PEX5L: variants seen among roughly 807,000 people sequenced by gnomAD.
PEX5L encodes peroxisomal biogenesis factor 5 like.
Under a neutral mutation model 84.0 loss-of-function variants are expected in PEX5L, and 30 were observed. The ratio of observed to expected loss-of-function variants is 0.36; its 90% CI spans 0.27 to 0.48. PEX5L has a LOEUF of 0.48. Among genes scored for constraint, PEX5L ranks in the 20% least tolerant of loss-of-function variants. The pLI is 0.99. For missense variants in PEX5L, 533 were observed against 754.6 expected (o/e 0.71, Z 3.44); for synonymous variants, 270 against 283.1 (o/e 0.95, Z 0.46).
intron 8 of PEX5L, among the ~76,000 whole-genome samples, chr3:179,852,848 C>T (rs1247744990): frequency 6.6e-6 from 1 of 152,112 alleles, no homozygotes. Flanking sequence ...TAGAGTTAAG[C>T]AGAACGTGAT....
At chr3:179,958,149 T>C (rs1009944312) in intron 2 of PEX5L, among the ~76,000 whole-genome samples, 1 of 152,212 alleles carries the variant, frequency 6.6e-6, no homozygotes, top group Admixed American at 6.5e-5. Flanking sequence ...CTCTTCTTTA[T>C]CATATATGGC....
At chr3:180,023,582 G>C (rs1790614264) in intron 1 of PEX5L, among the ~76,000 whole-genome samples, 1 of 152,102 alleles carries the variant, frequency 6.6e-6, no homozygotes, top group African/African-American at 2.4e-5. Flanking sequence ...CAGATGTATT[G>C]TATCACTAAT....
At chr3:179,910,991 C>T (rs939634978) in intron 2 of PEX5L, among the ~76,000 whole-genome samples, 6 of 152,150 alleles carry the variant, frequency 3.9e-5, no homozygotes, top group Non-Finnish European at 8.8e-5. Flanking sequence ...CCTCTCAATT[C>T]TCTTCCCCAC....
Position 179,800,888 on chromosome 3 carries a change from G to C in PEX5L, c.*940C>G, listed in dbSNP as rs940235978. The C allele has an allele frequency of 6.6e-6, 1 of 152,204 alleles. No homozygotes were observed. The highest frequency in any genetic ancestry group is 2.1e-4 in the South Asian group (1 of 4,824). The allele number at this position is 152,204 out of a possible 1,614,324, so 9.4% of individuals were successfully genotyped here. On this transcript the variant is annotated 3_prime_UTR_variant, in exon 15 of 15. Coordinates refer to ENST00000467460, the MANE Select transcript of PEX5L (RefSeq NM_016559.3). The stretch of plus-strand genomic sequence containing the variant: ...TTAATTTGAACTCAATAGAAATCAC[G>C]ATACCATCAAACTTTCTTCCTGCAG...
rs570211250 is a variant in PEX5L at position 180,031,241 on chromosome 3, A to G, written c.21+5338T>C. On this transcript the variant is annotated intron_variant, in intron 1 of 14. Coordinates refer to ENST00000467460, the MANE Select transcript of PEX5L (RefSeq NM_016559.3). ...TAGAGTATTAACTATCTTCCTGTTTATACTCTATAATATAGTAATATATAA... is the reference window on the plus strand; with the variant it reads ...TAGAGTATTAACTATCTTCCTGTTTGTACTCTATAATATAGTAATATATAA... 4.6e-5 allele frequency among the ~76,000 whole-genome samples: 7 copies of G among 152,262 alleles called. 1 individual carries two copies. Among genetic ancestry groups the G allele is most frequent in the African/African-American group, 1.7e-4 (7 of 41,558 alleles).
At chr3:179,865,679 G>C (rs1052242792) in intron 7 of PEX5L, among the ~76,000 whole-genome samples, 1 of 152,100 alleles carries the variant, frequency 6.6e-6, no homozygotes, top group Non-Finnish European at 1.5e-5. Context: ...TGTTTTGACA[G>C]CACAGTGACT....
At chr3:180,005,454 C>T (rs1339986185) in intron 1 of PEX5L, among the ~76,000 whole-genome samples, 2 of 152,010 alleles carry the variant, frequency 1.3e-5, no homozygotes, top group African/African-American at 2.4e-5. Context: ...GTAGGCTGGG[C>T]GTGGTGGCTC....
chr3:179,996,094 G>A (rs565895716), intron 1 of PEX5L, among the ~76,000 whole-genome samples: 1 of 152,148 alleles, frequency 6.6e-6, no homozygotes, highest in Non-Finnish European at 1.5e-5. Context: ...CCTTGAGGTA[G>A]TTGCCAAGCA....
intron 1 of PEX5L, among the ~76,000 whole-genome samples, chr3:180,011,050 G>A (rs940908961): frequency 2.6e-5 from 4 of 152,000 alleles, no homozygotes; most frequent in African/African-American, 4.8e-5. Flanking sequence ...CCTCACACAC[G>A]GCCCAGATAG....
At chr3:179,873,701 C>T (rs1253622201) in intron 7 of PEX5L, among the ~76,000 whole-genome samples, 5 of 152,144 alleles carry the variant, frequency 3.3e-5, no homozygotes, top group South Asian at 2.1e-4. Flanking sequence ...ATGTGCTTGA[C>T]GTCACTGAGA....
intron 8 of PEX5L, among the ~76,000 whole-genome samples, chr3:179,828,099 A>G (rs1034682623): frequency 6.6e-6 from 1 of 152,052 alleles, no homozygotes; most frequent in East Asian, 1.9e-4. Context: ...GGTAGGTTCA[A>G]CCAGAATCCC....
At chr3:179,939,929 G>A (rs1249743481) in intron 2 of PEX5L, among the ~76,000 whole-genome samples, 2 of 152,160 alleles carry the variant, frequency 1.3e-5, no homozygotes, top group Non-Finnish European at 2.9e-5. Context: ...CTATAAATGA[G>A]GGTGGATAAA....
intron 1 of PEX5L, among the ~76,000 whole-genome samples, chr3:179,996,394 T>G (rs1222249649): frequency 1.3e-5 from 2 of 152,118 alleles, no homozygotes; most frequent in East Asian, 3.8e-4. Context: ...TGTTGCAGCT[T>G]AGGGAGTTAA....
intron 1 of PEX5L, among the ~76,000 whole-genome samples, chr3:180,009,329 T>A (rs977226426): frequency 6.6e-6 from 1 of 152,316 alleles, no homozygotes; most frequent in Admixed American, 6.5e-5. Context: ...TAAGGCACAA[T>A]AGAGTAATTA....
intron 2 of PEX5L, among the ~76,000 whole-genome samples, chr3:179,961,564 G>T (rs1782051305): frequency 6.6e-6 from 1 of 152,004 alleles, no homozygotes; most frequent in Admixed American, 6.6e-5. Context: ...GCAGAGCGTG[G>T]GCATCTCAGT....
intron 8 of PEX5L, among the ~76,000 whole-genome samples, chr3:179,829,369 C>G (rs1731760660): frequency 6.6e-6 from 1 of 152,134 alleles, no homozygotes; most frequent in African/African-American, 2.4e-5. Context: ...ATTAATAGCA[C>G]CAAACAGTGC....
At chr3:179,996,103 C>T (rs1459716433) in intron 1 of PEX5L, among the ~76,000 whole-genome samples, 1 of 152,118 alleles carries the variant, frequency 6.6e-6, no homozygotes, top group Non-Finnish European at 1.5e-5. Flanking sequence ...AGTTGCCAAG[C>T]AAGATAATGT....
intron 2 of PEX5L, among the ~76,000 whole-genome samples, chr3:179,934,403 T>G (rs1274227587): frequency 1.3e-5 from 2 of 152,224 alleles, no homozygotes; most frequent in Non-Finnish European, 2.9e-5. Flanking sequence ...TTATGAAGCC[T>G]CTGTTATGTA....
At chr3:179,803,338 T>C (rs1719863396) in intron 14 of PEX5L, among the ~76,000 whole-genome samples, 1 of 152,224 alleles carries the variant, frequency 6.6e-6, no homozygotes, top group Non-Finnish European at 1.5e-5. Flanking sequence ...TTAACAATGT[T>C]TTCAGTTTAA....
Sources: gnomAD v4.1 joint callset for allele counts (sites outside exome capture counted in the v4.1 genomes callset) on GRCh38, gnomAD v4.1.1 for gene constraint, MANE v1.5 for transcripts, NCBI Gene and HGNC (gene_info 2026-07-23, HGNC 2026-07-21) for gene names.